Variants in SPTBN5 observed in about 807,000 individuals in gnomAD.
SPTBN5 encodes spectrin beta chain, non-erythrocytic 5.
A neutral mutation model predicts 477.6 loss-of-function variants in SPTBN5; 513 were observed. That is an observed-to-expected ratio of 1.07 (90% CI 1.00 to 1.16). The LOEUF (loss-of-function observed/expected upper bound fraction) is 1.16, where lower values mean the gene tolerates loss of function less well. Ranked by LOEUF, SPTBN5 falls within the 50% of genes most tolerant of loss-of-function variation. The pLI is 0.00. For missense variants in SPTBN5, 5,062 were observed against 4,731.8 expected, an observed-to-expected ratio of 1.07 and a Z score of -2.05; for synonymous variants, 2,169 against 2,011.7, an observed-to-expected ratio of 1.08 and a Z score of -2.09.
chr15:41,880,006 C>T (rs1567222666), intron 14 of SPTBN5, 142 bp from the exon 15 acceptor site: 20 of 1,424,424 alleles, frequency 1.4e-5, no homozygotes, highest in Non-Finnish European at 1.9e-5. Flanking sequence ...CATCCGAGTC[C>T]TTAAGGGCCA....
Position 41,855,540 on chromosome 15 carries a change from T to TG in SPTBN5, c.9218+8_9218+9insC. 1.9e-6 allele frequency: 3 copies of TG among 1,607,202 alleles called. No individual in the cohort carries two copies. Among genetic ancestry groups the TG allele is most frequent in the Non-Finnish European group, 2.6e-6 (3 of 1,175,928 alleles). Reference sequence around the variant, plus strand: ...CTGCTCCTTCGCGGATGGTGTGGCTTCCGCCCACCTTTCTGGGTTCTTCCT... The same window carrying TG: ...CTGCTCCTTCGCGGATGGTGTGGCTTGCCGCCCACCTTTCTGGGTTCTTCCT... On this transcript the variant is annotated intron_variant, in intron 54 of 67. Transcript: ENST00000320955.
rs1225368036 is a variant in SPTBN5, at chr15:41,861,777, C to A, written c.7695G>T (p.Trp2565Cys). The change falls in exon 45 of 68, where the codon TGG becomes TGT. Residue 2565 changes from tryptophan (W) to cysteine (C), a missense_variant. Coordinates refer to ENST00000320955, the MANE Select transcript of SPTBN5 (RefSeq NM_016642.4). ...EQELSSLEGA[W>C]QEHQLQLQQA... ...GCTGCAGCTGTAGCTGATGCTCCTG[C>A]CAGGCCCCTTCCAGGCTGCTCAGCT... 1.9e-6 allele frequency: 3 copies of A among 1,558,136 alleles called. No homozygotes were observed. In the African/African-American group the frequency reaches 4.1e-5, roughly 21 times the overall value.
At chr15:41,850,222 T>A in intron 66 of SPTBN5, 1 of 481,222 alleles carries the variant, frequency 2.1e-6, no homozygotes, top group South Asian at 2.3e-5. Flanking sequence ...AATTCTGGAA[T>A]GTCGAACAAC....
chr15:41,862,958 C>G, intron 41 of SPTBN5, 55 bp from the exon 42 acceptor site: 1 of 1,502,754 alleles, frequency 6.7e-7, no homozygotes, highest in Non-Finnish European at 9.0e-7. Context: ...GCTCCTCCTT[C>G]CTGGCAAAGG....
At chr15:41,872,061 G>C (rs890750406) in intron 27 of SPTBN5, 144 bp from the exon 28 acceptor site, 13 of 1,169,894 alleles carry the variant, frequency 1.1e-5, no homozygotes, top group African/African-American at 1.6e-5. Context: ...GGGAGTAGTA[G>C]ACACAGCAGT....
chr15:41,891,397 G>A (rs2067308121), intron 3 of SPTBN5, among the ~76,000 whole-genome samples: 1 of 152,182 alleles, frequency 6.6e-6, no homozygotes, highest in South Asian at 2.1e-4. Context: ...CCATGCTCCT[G>A]GGGTGGATTC....
chr15:41,883,216 A>G lies in SPTBN5; in HGVS notation c.1672T>C (p.Ser558Pro), dbSNP rs1567227706. ...QLEELQEPAR[S>P]TACGQQLAEV... ...GCCAGCTGCTGCCCACAGGCGGTGG[A>G]CCTGGCCGGCTCCTGGCCAGAGATG... Residue 558 changes from serine to proline, a missense_variant, in exon 9 of 68, where the codon TCC (serine) becomes CCC (proline). Physicochemically the swap from Ser to Pro is moderately conservative, Grantham distance 74. Transcript: ENST00000320955. The G allele has an allele frequency of 6.2e-7, 1 of 1,610,304 alleles. No homozygotes were observed. The highest frequency in any genetic ancestry group is 8.5e-7 in the Non-Finnish European group (1 of 1,178,648).
chr15:41,848,223 C>G lies in SPTBN5; in HGVS notation c.*393G>C. On this transcript the variant is annotated 3_prime_UTR_variant, in exon 68 of 68. Transcript: ENST00000320955. ...GGCTCTTGGCTGTACATGGCAAGGG[C>G]TGGTACAGAGCTCGCTCATCAGTGT... 2.0e-6 allele frequency: 1 copy of G among 496,952 alleles called. No homozygotes were observed. Among genetic ancestry groups the G allele is most frequent in the Non-Finnish European group, 3.7e-6 (1 of 273,910 alleles). The allele number at this position is 496,952 out of a possible 1,614,324, so 30.8% of individuals were successfully genotyped here.
chr15:41,881,579 C>G (rs2066954292), intron 12 of SPTBN5, among the ~76,000 whole-genome samples: 1 of 152,162 alleles, frequency 6.6e-6, no homozygotes, highest in South Asian at 2.1e-4. Flanking sequence ...GATGAGGCCA[C>G]CCCAAACCAA....
Position 41,876,581 on chromosome 15 carries a change from C to G in SPTBN5, c.3918G>C (p.Arg1306Ser). ...WTRLQGRSEQ[R>S]RRQLLASLQL... is the part of the protein sequence containing the mutation. ...GGAGGGAAGCCAGCAACTGCCTCCTCCTCTGCTCACTCCTCCCCTGGAGCC... is the reference window on the plus strand; with the variant it reads ...GGAGGGAAGCCAGCAACTGCCTCCTGCTCTGCTCACTCCTCCCCTGGAGCC... The change falls in exon 20 of 68, where the codon AGG becomes AGC. Residue 1306 changes from arginine to serine, a missense_variant. Arg to Ser is a moderately radical substitution (Grantham distance 110). Transcript: ENST00000320955. The G allele has an allele frequency of 6.2e-7, 1 of 1,607,510 alleles. No individual in the cohort carries two copies. Among genetic ancestry groups the G allele is most frequent in the Non-Finnish European group, 8.5e-7 (1 of 1,177,334 alleles).
intron 44 of SPTBN5, 24 bp from the exon 45 acceptor site, chr15:41,861,947 C>T: frequency 6.3e-7 from 1 of 1,586,542 alleles, no homozygotes; most frequent in Non-Finnish European, 8.5e-7. Context: ...GGGCTCAGAT[C>T]ACTGGGGGCT....
intron 36 of SPTBN5, 133 bp from the exon 37 acceptor site, chr15:41,866,626 G>T: frequency 1.8e-6 from 2 of 1,092,282 alleles, no homozygotes; most frequent in Non-Finnish European, 2.5e-6. Context: ...AATGAGCCCT[G>T]AAGGTTCCAG....
In SPTBN5 at chr15:41,848,622, A is replaced by G. The variant is rs1372866632; in HGVS notation, c.11019T>C (p.Asp3673=). The change falls in exon 68 of 68, where the codon GAT becomes GAC. Residue 3673 remains aspartate, a synonymous_variant. Transcript: ENST00000320955. The part of the protein sequence containing the change: ...DARPGCLLRS[D]P ...TGTTGCACTGGGGTTCACCTCAGGG[A>G]TCAGACCTGTTGGGAAAACGGAATG... 2 of 1,613,770 alleles carry G rather than the reference A, an allele frequency of 1.2e-6. No individual in the cohort carries two copies. The highest frequency in any genetic ancestry group is 2.7e-5 in the African/African-American group (2 of 74,892).
intron 21 of SPTBN5, 122 bp downstream of exon 21, chr15:41,875,992 G>T: frequency 7.9e-7 from 1 of 1,265,282 alleles, no homozygotes; most frequent in Non-Finnish European, 1.1e-6. Flanking sequence ...GCAGGGGGAG[G>T]TTCTAGGTTC....
rs1049438244 is a variant in SPTBN5 at position 41,854,032 on chromosome 15, G to A, written c.9774+18C>T. The A allele has an allele frequency of 6.5e-7, 1 of 1,546,258 alleles. No individual in the cohort carries two copies. The highest frequency in any genetic ancestry group is 8.7e-7 in the Non-Finnish European group (1 of 1,149,790). On this transcript the variant is annotated intron_variant, in intron 57 of 67. Transcript: ENST00000320955. ...GGGCAGGGGCTCAGACAGGCAGGCT[G>A]CAGGGCGTGGGCCTCACCTCCAGGC...
chr15:41,876,314 A>G, intron 20 of SPTBN5, 30 bp from the exon 21 acceptor site: 1 of 1,518,072 alleles, frequency 6.6e-7, no homozygotes, highest in Middle Eastern at 1.7e-4. Flanking sequence ...AGTGGGTCTC[A>G]GAGCACGGTG....
At position 41,879,445 on chromosome 15, in the gene SPTBN5, A is replaced by C; in HGVS notation, c.2997T>G (p.Ser999Arg). Residue 999 changes from serine (S) to arginine (R), a missense_variant, in exon 16 of 68, where the codon AGT becomes AGG. By Grantham distance (110) the Ser-to-Arg change is moderately radical. Coordinates refer to ENST00000320955, the MANE Select transcript of SPTBN5 (RefSeq NM_016642.4). The stretch of plus-strand genomic sequence containing the variant: ...CCTGCAGAAAACTGCACACTTCCAC[A>C]CTGTGTGCCAGCTGCACGGCCTTCT... ...KREKAVQLAHSVEVCSFLQEC... is the reference protein window; with the variant it reads ...KREKAVQLAHRVEVCSFLQEC... 6.2e-7 allele frequency: 1 copy of C among 1,605,432 alleles called. No individual in the cohort carries two copies. Among genetic ancestry groups the C allele is most frequent in the South Asian group, 1.1e-5 (1 of 90,424 alleles).
Position 41,851,373 on chromosome 15 carries a change from T to C in SPTBN5, c.10657-4A>G, listed in dbSNP as rs561429038. ...TGTCCCAGGAGCTCGAGCTAGGCTG[T>C]GGAGAGGAGGCGGGAAGGTCGCATG... On this transcript the variant is annotated splice_polypyrimidine_tract_variant and splice_region_variant and intron_variant, in intron 63 of 67. Transcript: ENST00000320955. 25 of 1,550,084 alleles carry C rather than the reference T, an allele frequency of 1.6e-5. No homozygotes were observed. Among genetic ancestry groups the C allele is most frequent in the Middle Eastern group, 1.7e-4 (1 of 5,980 alleles).
In SPTBN5 at chr15:41,861,389, C is replaced by G. The variant is rs753073726; in HGVS notation, c.7815+30G>C. 1.9e-6 allele frequency: 3 copies of G among 1,587,900 alleles called. No homozygotes were observed. In the Admixed American group the frequency reaches 5.0e-5, roughly 26 times the overall value. On this transcript the variant is annotated intron_variant, in intron 46 of 67. Transcript: ENST00000320955. ...CCCTAATGCTGCTCTGGTAATTCCC[C>G]CCTCCTGCCCATTCCTGCTGGGCAC...
Sources: gnomAD v4.1 joint callset for allele counts (sites outside exome capture counted in the v4.1 genomes callset) on GRCh38, gnomAD v4.1.1 for gene constraint, MANE v1.5 for transcripts, NCBI Gene and HGNC (gene_info 2026-07-23, HGNC 2026-07-21) for gene names.